AGBL4: variants seen among roughly 807,000 people sequenced by gnomAD.
AGBL4 encodes AGBL carboxypeptidase 4.
Under a neutral mutation model 66.4 loss-of-function variants are expected in AGBL4, and 58 were observed. The observed-to-expected ratio is 0.87, with a 90% CI of 0.71 to 1.09. The LOEUF (loss-of-function observed/expected upper bound fraction) is 1.09. Ranked by LOEUF, AGBL4 falls within the 50% of genes least tolerant of loss-of-function variation. AGBL4 has a pLI of 0.00. For missense variants in AGBL4, 579 were observed against 631.0 expected (o/e 0.92, Z 0.88); for synonymous variants, 234 against 222.9 (o/e 1.05, Z -0.44).
intron 4 of AGBL4, among the ~76,000 whole-genome samples, chr1:49,184,862 C>A (rs1646987268): frequency 6.6e-6 from 1 of 152,088 alleles, no homozygotes; most frequent in Admixed American, 6.6e-5. Context: ...AAGATACGGA[C>A]AATGAAAATG....
At position 49,568,456 on chromosome 1, in the gene AGBL4, A is replaced by C. The variant is rs1480707486; in HGVS notation, c.282+128857T>G. Among the ~76,000 whole-genome samples the C allele has an allele frequency of 2.7e-5, 4 of 149,632 alleles. No individual in the cohort carries two copies. In the Admixed American group the frequency reaches 2.7e-4, roughly 10 times the overall value. ...GAGATGAAAGATCTCCCCAATGAGA[A>C]CTACAAAACACTGCTCAAAGAAATA... is the stretch of plus-strand genomic sequence containing the variant. On this transcript the variant is annotated intron_variant, in intron 3 of 13. Transcript: ENST00000371839.
chr1:48,743,750 C>T (rs796522225), intron 6 of AGBL4, among the ~76,000 whole-genome samples: 3 of 152,294 alleles, frequency 2.0e-5, no homozygotes, highest in African/African-American at 7.2e-5. Context: ...GTACAAAGCT[C>T]TTTATATATT....
At chr1:49,883,249 T>C (rs1647611924) in intron 1 of AGBL4, among the ~76,000 whole-genome samples, 1 of 152,144 alleles carries the variant, frequency 6.6e-6, no homozygotes, top group South Asian at 2.1e-4. Context: ...AATACAAATA[T>C]TGGAACTCTT....
intron 1 of AGBL4, among the ~76,000 whole-genome samples, chr1:50,020,006 C>T (rs1366054147): frequency 6.6e-6 from 1 of 151,870 alleles, no homozygotes; most frequent in African/African-American, 2.4e-5. Context: ...CTGTAAGAAG[C>T]TTGAATATAA....
chr1:49,396,337 T>C (rs1045989135), intron 3 of AGBL4, among the ~76,000 whole-genome samples: 1 of 150,162 alleles, frequency 6.7e-6, no homozygotes, highest in Non-Finnish European at 1.5e-5. Context: ...CATTTGTGTA[T>C]GAATGTGTGT....
At chr1:49,933,286 T>A (rs911394072) in intron 1 of AGBL4, among the ~76,000 whole-genome samples, 1 of 152,070 alleles carries the variant, frequency 6.6e-6, no homozygotes, top group East Asian at 1.9e-4. Flanking sequence ...TAAAAAAAAC[T>A]GTCAACCAAG....
intron 1 of AGBL4, among the ~76,000 whole-genome samples, chr1:49,883,007 C>CA (rs1183076950): frequency 1.3e-5 from 2 of 151,956 alleles, no homozygotes; most frequent in Non-Finnish European, 2.9e-5. Flanking sequence ...CACGTACATG[C>CA]AAAAAATTTA....
intron 3 of AGBL4, among the ~76,000 whole-genome samples, chr1:49,442,836 T>C (rs899380225): frequency 1.3e-5 from 2 of 152,194 alleles, no homozygotes; most frequent in African/African-American, 2.4e-5. Context: ...GTTTTATTTT[T>C]AGTTCTTTGA....
chr1:49,554,068 G>C (rs186427046), intron 3 of AGBL4, among the ~76,000 whole-genome samples: 16 of 152,270 alleles, frequency 1.1e-4, no homozygotes, highest in African/African-American at 3.6e-4. Context: ...AGGAGTTCCA[G>C]GCAGCAGTGA....
the AGBL4 span, among the ~76,000 whole-genome samples, chr1:48,523,805 T>C: frequency 6.6e-6 from 1 of 152,188 alleles, no homozygotes; most frequent in Non-Finnish European, 1.5e-5. Context: ...TGTGTGAACA[T>C]CATAGAATGT....
At chr1:49,713,450 T>G (rs1647829492) in intron 2 of AGBL4, among the ~76,000 whole-genome samples, 1 of 152,090 alleles carries the variant, frequency 6.6e-6, no homozygotes. Flanking sequence ...GATCATTTTA[T>G]TTTTAATGTT....
intron 4 of AGBL4, among the ~76,000 whole-genome samples, chr1:49,237,512 TTATATATATATA>T (rs71056690): frequency 0.012 from 27 of 2,258 alleles, no homozygotes; most frequent in African/African-American, 0.019. Context: ...CAATATTACA[TTATATATATATA>T]TATATATATA....
At chr1:49,092,574 A>T (rs190901688) in intron 4 of AGBL4, among the ~76,000 whole-genome samples, 2 of 152,284 alleles carry the variant, frequency 1.3e-5, no homozygotes, top group East Asian at 3.9e-4. Context: ...TATGTAAAGC[A>T]TCTAGACTAG....
rs1164133811 is a variant in AGBL4, at chr1:49,759,925, G to A, written c.158-62488C>T. On this transcript the variant is annotated intron_variant, in intron 2 of 13. Transcript: ENST00000371839. ...CTAGATAAATCCATAATGACAGGAA[G>A]GAAATCAAGTGATTGCCAAAGGCTG... Among the ~76,000 whole-genome samples the A allele has an allele frequency of 2.6e-5, 4 of 152,144 alleles. No individual in the cohort carries two copies. The East Asian group carries it at 7.7e-4, about 29-fold the overall frequency.
At chr1:49,595,154 T>C (rs956141830) in intron 3 of AGBL4, among the ~76,000 whole-genome samples, 1 of 152,188 alleles carries the variant, frequency 6.6e-6, no homozygotes, top group Non-Finnish European at 1.5e-5. Flanking sequence ...AGTGGCACGA[T>C]CTCGGCCCAC....
intron 2 of AGBL4, among the ~76,000 whole-genome samples, chr1:49,832,576 A>T (rs1255093099): frequency 6.6e-6 from 1 of 151,784 alleles, no homozygotes; most frequent in Non-Finnish European, 1.5e-5. Context: ...CGCCACACCG[A>T]CTTCCACAAT....
intron 6 of AGBL4, among the ~76,000 whole-genome samples, chr1:48,749,487 T>G (rs11588373): frequency 6.6e-6 from 1 of 152,088 alleles, no homozygotes; most frequent in Non-Finnish European, 1.5e-5. Context: ...AGAAGTCACA[T>G]AGGTGGTGAG....
At chr1:49,396,604 A>C (rs1302072027) in intron 3 of AGBL4, among the ~76,000 whole-genome samples, 1 of 152,214 alleles carries the variant, frequency 6.6e-6, no homozygotes, top group Non-Finnish European at 1.5e-5. Flanking sequence ...TATATGTTTG[A>C]GTATTTTGTA....
intron 6 of AGBL4, among the ~76,000 whole-genome samples, chr1:48,693,305 A>G (rs111954022): frequency 1.6e-4 from 25 of 152,246 alleles, no homozygotes; most frequent in African/African-American, 6.0e-4. Context: ...GTCCGATCTC[A>G]CCATCAACAT....
Sources: gnomAD v4.1 joint callset for allele counts (sites outside exome capture counted in the v4.1 genomes callset) on GRCh38, gnomAD v4.1.1 for gene constraint, MANE v1.5 for transcripts, NCBI Gene and HGNC (gene_info 2026-07-23, HGNC 2026-07-21) for gene names.